The following DIP2C variants were observed in gnomAD, a reference collection of about 807,000 sequenced individuals.
The protein encoded by DIP2C is disco-interacting protein 2 homolog C.
A neutral mutation model predicts 192.4 loss-of-function variants in DIP2C; 33 were observed. The observed-to-expected ratio is 0.17, with a 90% CI of 0.13 to 0.23. The LOEUF (loss-of-function observed/expected upper bound fraction) is 0.23. DIP2C is among the 10% of genes least tolerant of loss of function. The pLI is 1.00. For missense variants in DIP2C, 1,537 were observed against 2,110.1 expected (o/e 0.73, Z 5.32); for synonymous variants, 979 against 864.1 (o/e 1.13, Z -2.33).
rs190844293 is a variant in DIP2C at position 523,811 on chromosome 10, G to A, written c.86-37281C>T. ...AAAGGACCCTGGAGCGAGGATGCAG[G>A]GACTGCTCTGAGTTACCAGCACACT... On this transcript the variant is annotated intron_variant, in intron 1 of 36. Coordinates refer to ENST00000280886, the MANE Select transcript of DIP2C (RefSeq NM_014974.3). 2.9e-3 allele frequency among the ~76,000 whole-genome samples: 443 copies of A among 152,346 alleles called. 5 individuals are homozygous for A. The highest frequency in any genetic ancestry group is 4.5e-3 in the Non-Finnish European group (305 of 68,028).
At chr10:499,190 C>G (rs770535638) in intron 1 of DIP2C, among the ~76,000 whole-genome samples, 2 of 152,198 alleles carry the variant, frequency 1.3e-5, no homozygotes, top group African/African-American at 4.8e-5. Context: ...TCCTTGTCAG[C>G]ATTGCAGCCC....
intron 1 of DIP2C, among the ~76,000 whole-genome samples, chr10:575,904 G>A (rs925620398): frequency 3.3e-5 from 5 of 152,168 alleles, no homozygotes; most frequent in African/African-American, 9.7e-5. Context: ...CTCCTCCATG[G>A]TAACAGCTGA....
At chr10:289,388 C>T (rs1732347941) in intron 32 of DIP2C, among the ~76,000 whole-genome samples, 1 of 152,172 alleles carries the variant, frequency 6.6e-6, no homozygotes, top group Non-Finnish European at 1.5e-5. Context: ...CCCACCTCAG[C>T]CTCCTGAGTT....
intron 1 of DIP2C, among the ~76,000 whole-genome samples, chr10:687,875 C>T (rs75323179): frequency 0.029 from 4,416 of 152,318 alleles, 93 homozygotes; most frequent in South Asian, 0.042. Flanking sequence ...GCTCGCCCTG[C>T]TGAGCTCAGG....
In DIP2C at chr10:391,656, CTG is replaced by C. The variant is rs367862230; in HGVS notation, c.1261-795_1261-794del. Reference sequence around the variant, plus strand: ...TCCATTATTTGATTCATAAAATAAACTGAAAGCTCCAAAACAGCCAGGGTTCC... The same window carrying C: ...TCCATTATTTGATTCATAAAATAAACAAAGCTCCAAAACAGCCAGGGTTCC... On this transcript the variant is annotated intron_variant, in intron 10 of 36. Transcript: ENST00000280886. Among the ~76,000 whole-genome samples the C allele has an allele frequency of 1.6e-4, 25 of 152,326 alleles. No homozygotes were observed. The East Asian group carries it at 3.3e-3, about 20-fold the overall frequency.
chr10:293,887 C>T (rs1194771747), intron 32 of DIP2C, among the ~76,000 whole-genome samples: 1 of 152,152 alleles, frequency 6.6e-6, no homozygotes, highest in Non-Finnish European at 1.5e-5. Context: ...GTGGCCACCA[C>T]AAAAGGCTAA....
chr10:583,829 G>T (rs1284617553), intron 1 of DIP2C, among the ~76,000 whole-genome samples: 2 of 152,212 alleles, frequency 1.3e-5, no homozygotes, highest in Admixed American at 6.5e-5. Context: ...ACTGATGTGA[G>T]CCAAAAACAT....
intron 1 of DIP2C, among the ~76,000 whole-genome samples, chr10:548,389 A>G (rs1336637231): frequency 6.8e-6 from 1 of 147,800 alleles, no homozygotes; most frequent in Non-Finnish European, 1.5e-5. Context: ...GGAAAAGAGC[A>G]TCGAACAGCC....
At chr10:355,312 G>A (rs1959029920) in intron 24 of DIP2C, among the ~76,000 whole-genome samples, 1 of 152,250 alleles carries the variant, frequency 6.6e-6, no homozygotes, top group African/African-American at 2.4e-5. Context: ...TGGCAGAGGA[G>A]GAGGAGAGGT....
chr10:315,702 G>A (rs1956746381), intron 31 of DIP2C, among the ~76,000 whole-genome samples: 1 of 152,184 alleles, frequency 6.6e-6, no homozygotes, highest in South Asian at 2.1e-4. Context: ...TGAGCTTCTT[G>A]AATCTTTGTG....
chr10:649,474 G>A (rs1855721584), intron 1 of DIP2C, among the ~76,000 whole-genome samples: 1 of 152,226 alleles, frequency 6.6e-6, no homozygotes, highest in South Asian at 2.1e-4. Context: ...GAATTTTCAG[G>A]TAGTAAGAAA....
chr10:334,564 C>T (rs1957664489), intron 29 of DIP2C, among the ~76,000 whole-genome samples: 1 of 152,082 alleles, frequency 6.6e-6, no homozygotes. Flanking sequence ...ATAATTTTTG[C>T]TCTTACATTA....
chr10:404,570 G>A (rs954871002), intron 9 of DIP2C, among the ~76,000 whole-genome samples: 3 of 152,074 alleles, frequency 2.0e-5, no homozygotes, highest in African/African-American at 4.8e-5. Context: ...ATTTCATCAC[G>A]AACAGTTTTA....
At chr10:440,282 TAA>T (rs1246716642) in intron 4 of DIP2C, among the ~76,000 whole-genome samples, 1 of 152,240 alleles carries the variant, frequency 6.6e-6, no homozygotes, top group East Asian at 1.9e-4. Flanking sequence ...GCTGTTCTTA[TAA>T]AGTTTTATTG....
chr10:555,580 T>C (rs1217193768), intron 1 of DIP2C, among the ~76,000 whole-genome samples: 2 of 152,046 alleles, frequency 1.3e-5, no homozygotes, highest in African/African-American at 4.8e-5. Context: ...AGGTGACTCA[T>C]ATTTAGGAAA....
At chr10:687,180 A>G (rs1404484033) in intron 1 of DIP2C, among the ~76,000 whole-genome samples, 1 of 152,234 alleles carries the variant, frequency 6.6e-6, no homozygotes, top group Non-Finnish European at 1.5e-5. Context: ...TTGAAGTCCA[A>G]TAACATAAAG....
chr10:451,065 C>G (rs1338986989), intron 3 of DIP2C, among the ~76,000 whole-genome samples: 1 of 152,198 alleles, frequency 6.6e-6, no homozygotes, highest in African/African-American at 2.4e-5. Context: ...ATCTCTGCAG[C>G]ACCGGGCTGT....
intron 17 of DIP2C, among the ~76,000 whole-genome samples, chr10:375,362 C>T (rs544767038): frequency 1.3e-5 from 2 of 152,322 alleles, no homozygotes; most frequent in South Asian, 2.1e-4. Context: ...TGAGGCCTCA[C>T]CAGGAGCTGA....
chr10:614,939 T>C (rs531082122), intron 1 of DIP2C, among the ~76,000 whole-genome samples: 5 of 152,162 alleles, frequency 3.3e-5, no homozygotes, highest in African/African-American at 4.8e-5. Flanking sequence ...GGCATCACAG[T>C]TGCCTCAGCC....
Sources: allele counts gnomAD v4.1 joint callset (sites outside exome capture counted in the v4.1 genomes callset), GRCh38; gene constraint gnomAD v4.1.1; transcripts MANE v1.5; gene names NCBI Gene and HGNC (gene_info 2026-07-23, HGNC 2026-07-21).